WHR1: variants seen among roughly 807,000 people sequenced by gnomAD.
WHR1 encodes MHC class III HLA-RP1.
At chr6:31,976,387 C>T in the WHR1 span, among the ~76,000 whole-genome samples, 1 of 151,130 alleles carries the variant, frequency 6.6e-6, no homozygotes, top group Non-Finnish European at 1.5e-5. Flanking sequence ...GGGCAGAGAC[C>T]CTCCTCACCT....
At chr6:31,977,014 G>A in the WHR1 span, among the ~76,000 whole-genome samples, 3 of 152,184 alleles carry the variant, frequency 2.0e-5, no homozygotes, top group Non-Finnish European at 4.4e-5. Flanking sequence ...GCTTCGGCTC[G>A]GCATCAGAGG....
the WHR1 span, among the ~76,000 whole-genome samples, chr6:31,975,351 G>C: frequency 2.8e-4 from 43 of 152,062 alleles, no homozygotes; most frequent in East Asian, 1.4e-3. Flanking sequence ...ACAGGCACGC[G>C]CCACCATGCC....
chr6:31,971,511 A>C, the WHR1 span: 378 of 1,614,168 alleles, frequency 2.3e-4, no homozygotes, highest in Non-Finnish European at 3.1e-4. This position sits in a 1 kb window ranked among gnomAD's most constrained non-coding sequence, Gnocchi z 4.5. Context: ...GGCGTTGAGC[A>C]TCCAGGGAGA....
At chr6:31,979,840 T>G in the WHR1 span, 1 of 349,904 alleles carries the variant, frequency 2.9e-6, no homozygotes, top group African/African-American at 2.1e-5. Context: ...ATGTTAATCA[T>G]ACTGGGACTA....
At chr6:31,971,604 AC>A in the WHR1 span, 1 of 1,613,500 alleles carries the variant, frequency 6.2e-7, no homozygotes, top group Non-Finnish European at 8.5e-7. The surrounding 1 kb of genome is among the most constrained non-coding windows in gnomAD (Gnocchi z 4.5). Flanking sequence ...AAGGTGCTGG[AC>A]GAGGTAGTTT....
chr6:31,979,303 G>A, the WHR1 span: 2 of 1,439,490 alleles, frequency 1.4e-6, no homozygotes, highest in Non-Finnish European at 1.9e-6. Context: ...GGTATGAGAG[G>A]TGGAAGGATC....
chr6:31,979,919 C>G, the WHR1 span: 2 of 209,206 alleles, frequency 9.6e-6, no homozygotes, highest in East Asian at 2.2e-4. Flanking sequence ...AAACCCAAAG[C>G]TAAAAAACAA....
At chr6:31,976,418 G>T in the WHR1 span, among the ~76,000 whole-genome samples, 69 of 152,022 alleles carry the variant, frequency 4.5e-4, no homozygotes, top group Non-Finnish European at 7.8e-4. Context: ...GTCGCGGCCG[G>T]GCAGAGGCGC....
chr6:31,972,360 G>T, the WHR1 span: 7 of 1,612,938 alleles, frequency 4.3e-6, no homozygotes, highest in Non-Finnish European at 5.1e-6. The surrounding 1 kb of genome is among the most constrained non-coding windows in gnomAD (Gnocchi z 6.3). Context: ...CTATTTTCAG[G>T]TTCTCTTCCC....
chr6:31,979,829 G>A, the WHR1 span: 1 of 387,302 alleles, frequency 2.6e-6, no homozygotes, highest in Non-Finnish European at 4.7e-6. Flanking sequence ...GTAAAAGCTT[G>A]ATGTTAATCA....
chr6:31,972,829 C>T, the WHR1 span: 1 of 1,590,262 alleles, frequency 6.3e-7, no homozygotes, highest in Non-Finnish European at 8.5e-7. The surrounding 1 kb of genome is among the most constrained non-coding windows in gnomAD (Gnocchi z 6.3). Context: ...TCAGTCACTC[C>T]GCCAGCCGTT....
the WHR1 span, chr6:31,978,829 C>T: frequency 2.1e-6 from 3 of 1,412,252 alleles, no homozygotes; most frequent in Non-Finnish European, 2.9e-6. Flanking sequence ...ATCTCCCTGC[C>T]TGAGAGCGCC....
At chr6:31,977,038 G>C in the WHR1 span, among the ~76,000 whole-genome samples, 1 of 152,212 alleles carries the variant, frequency 6.6e-6, no homozygotes, top group African/African-American at 2.4e-5. Context: ...ACCGTGGAAA[G>C]GATAATTCCA....
the WHR1 span, chr6:31,972,280 CT>C: frequency 6.2e-7 from 1 of 1,613,142 alleles, no homozygotes; most frequent in Non-Finnish European, 8.5e-7. The surrounding 1 kb of genome is among the most constrained non-coding windows in gnomAD (Gnocchi z 6.3). Flanking sequence ...GTTGACGCTC[CT>C]TTCGTCATCA....
chr6:31,973,109 G>A, the WHR1 span: 1 of 526,338 alleles, frequency 1.9e-6, no homozygotes, highest in Non-Finnish European at 3.6e-6. Flanking sequence ...CATAGAGAGA[G>A]GGAATGGTGT....
the WHR1 span, chr6:31,972,621 G>T: frequency 6.2e-7 from 1 of 1,607,794 alleles, no homozygotes; most frequent in Non-Finnish European, 8.5e-7. The surrounding 1 kb of genome is among the most constrained non-coding windows in gnomAD (Gnocchi z 6.3). Context: ...ATCTGCCCAG[G>T]GTCGGCGCGC....
At chr6:31,973,130 G>A in the WHR1 span, 2 of 465,926 alleles carry the variant, frequency 4.3e-6, no homozygotes, top group African/African-American at 3.9e-5. Flanking sequence ...ATTGGAGATA[G>A]TGGATGAGGC....
the WHR1 span, among the ~76,000 whole-genome samples, chr6:31,975,205 T>C: frequency 1.3e-5 from 2 of 150,136 alleles, no homozygotes; most frequent in Non-Finnish European, 3.0e-5. Context: ...TTTTCCCTTT[T>C]TTTTTTTTTT....
the WHR1 span, chr6:31,980,763 C>A: frequency 6.2e-7 from 1 of 1,601,998 alleles, no homozygotes; most frequent in South Asian, 1.1e-5. Flanking sequence ...GCCTCACCTA[C>A]CATGTGCACG....
Sources: allele counts gnomAD v4.1 joint callset (sites outside exome capture counted in the v4.1 genomes callset), GRCh38; gene constraint gnomAD v4.1.1; non-coding constraint Gnocchi (gnomAD v3.1); transcripts MANE v1.5; gene names NCBI Gene and HGNC (gene_info 2026-07-23, HGNC 2026-07-21).